Variants in SYNPO2L observed in about 807,000 individuals in gnomAD.
The protein encoded by SYNPO2L is synaptopodin 2 like.
Under a neutral mutation model 47.5 loss-of-function variants are expected in SYNPO2L, and 34 were observed. That is an observed-to-expected ratio of 0.72 (90% CI 0.54 to 0.95). The LOEUF is 0.95. Among genes scored for constraint, SYNPO2L ranks in the 40% least tolerant of loss-of-function variants. The pLI, the probability that SYNPO2L is intolerant of heterozygous loss-of-function variation, is 0.00. For synonymous variants in SYNPO2L, 536 were observed against 524.9 expected (o/e 1.02, Z -0.29); for missense variants, 1,246 against 1,282.0 (o/e 0.97, Z 0.43).
chr10:73,654,392 G>A (rs1250170731), intron 1 of SYNPO2L, 112 bp from the exon 2 acceptor site: 2 of 1,389,308 alleles, frequency 1.4e-6, no homozygotes, highest in Admixed American at 4.6e-5. Context: ...AGGGTAAGAA[G>A]GGTGGGGAGA....
At chr10:73,649,409 C>T (rs925369620) in intron 3 of SYNPO2L, among the ~76,000 whole-genome samples, 1 of 152,158 alleles carries the variant, frequency 6.6e-6, no homozygotes, top group Non-Finnish European at 1.5e-5. Context: ...ACAAAGAACC[C>T]TTAGCAATGA....
Position 73,645,857 on chromosome 10 carries a change from C to T in SYNPO2L, c.*861G>A, listed in dbSNP as rs762544582. The T allele has an allele frequency of 1.6e-5, 16 of 984,956 alleles. 1 individual carries two copies. The Admixed American group carries it at 4.9e-4, about 30-fold the overall frequency. 61.0% of individuals were successfully genotyped at this position (984,956 alleles called of 1,614,324 possible). On this transcript the variant is annotated 3_prime_UTR_variant, in exon 4 of 4. Transcript: ENST00000394810. ...TTGTTTGTTTTGAGACAGAGTCTCG[C>T]TCCGTCGCCCAGGCTGGAGTGCAGT... is the stretch of plus-strand genomic sequence containing the variant.
At chr10:73,649,357 G>A (rs1233910537) in intron 3 of SYNPO2L, among the ~76,000 whole-genome samples, 1 of 152,076 alleles carries the variant, frequency 6.6e-6, no homozygotes, top group Non-Finnish European at 1.5e-5. Context: ...ATGAAGCTTA[G>A]GACTCATCCT....
Position 73,645,121 on chromosome 10 carries a change from T to TA in SYNPO2L, c.*1596dup. ...GAGGTTTTGGCTCTGGGTATTTCCCTACTCTTTCCCAGGCAGTCATGGCAA... is the reference window on the plus strand; with the variant it reads ...GAGGTTTTGGCTCTGGGTATTTCCCTAACTCTTTCCCAGGCAGTCATGGCAA... On this transcript the variant is annotated 3_prime_UTR_variant, in exon 4 of 4. Coordinates refer to ENST00000394810, the MANE Select transcript of SYNPO2L (RefSeq NM_001114133.3). 2.5e-6 allele frequency: 3 copies of TA among 1,222,384 alleles called. No individual in the cohort carries two copies. The highest frequency in any genetic ancestry group is 3.1e-6 in the Non-Finnish European group (3 of 959,560). 75.7% of individuals were successfully genotyped at this position (1,222,384 alleles called of 1,614,324 possible). A position where few individuals can be genotyped will look rare whatever the true frequency, so the allele number is the denominator to read the frequency against.
At chr10:73,649,739 CA>C (rs2081823076) in intron 3 of SYNPO2L, 7 of 985,430 alleles carry the variant, frequency 7.1e-6, no homozygotes, top group Non-Finnish European at 7.2e-6. Context: ...ACAGTTTAGA[CA>C]GAAGTTAAAG....
chr10:73,649,667 A>C (rs1367551196), intron 3 of SYNPO2L: 2 of 934,988 alleles, frequency 2.1e-6, no homozygotes, highest in African/African-American at 3.6e-5. Flanking sequence ...ATACATTCAC[A>C]CACCTACATG....
Position 73,648,656 on chromosome 10 carries a change from C to G in SYNPO2L, c.996G>C (p.Glu332Asp). 6.2e-7 allele frequency: 1 copy of G among 1,612,482 alleles called. No homozygotes were observed. Among genetic ancestry groups the G allele is most frequent in the Non-Finnish European group, 8.5e-7 (1 of 1,178,590 alleles). ...AGAAGGCTTCTTCGTCCAGCTCGGA[C>G]TCACTCGTGGGGGGAACGCCGTCCT... ...EEEDGVPPTS[E>D]SELDEEAFSD... Residue 332 changes from glutamate (E) to aspartate (D), a missense_variant, in exon 4 of 4, where the codon GAG (glutamate) becomes GAC (aspartate). Transcript: ENST00000394810.
Position 73,655,874 on chromosome 10 carries a change from AG to A in SYNPO2L, c.48del (p.Trp17GlyfsTer54). The A allele has an allele frequency of 2.6e-6, 4 of 1,551,094 alleles. No individual in the cohort carries two copies. Among genetic ancestry groups the A allele is most frequent in the Non-Finnish European group, 3.5e-6 (4 of 1,146,838 alleles). ...GCCCCCCCATGAAGTCGGAAGCCCCAGGGGGCTCCCCCTGATAGTGTGACCA... is the reference window on the plus strand; with the variant it reads ...GCCCCCCCATGAAGTCGGAAGCCCCAGGGGCTCCCCCTGATAGTGTGACCA... ...EVLVTLSGGA[P>X]WGFRLHGGAE... is the part of the protein sequence containing the mutation. On this transcript the variant is annotated frameshift_variant, in exon 1 of 4. Transcript: ENST00000394810. LOFTEE classifies it high-confidence loss of function.
chr10:73,653,485 G>C lies in SYNPO2L; in HGVS notation c.426C>G (p.Asp142Glu), dbSNP rs2081857054. Residue 142 changes from aspartate (D) to glutamate (E), a missense_variant, in exon 3 of 4, where the codon GAC (aspartate) becomes GAG (glutamate). Asp to Glu is a conservative substitution (Grantham distance 45). Transcript: ENST00000394810. ...GGGTGGCAGGGCCATCAGCATCACTGTCAGTCTCTCCGTAGTAAGCCTCAC... is the reference window on the plus strand; with the variant it reads ...GGGTGGCAGGGCCATCAGCATCACTCTCAGTCTCTCCGTAGTAAGCCTCAC... ...PDSEAYYGET[D>E]SDADGPATQE... is the part of the protein sequence containing the mutation. The C allele has an allele frequency of 1.3e-6, 2 of 1,551,768 alleles. No homozygotes were observed.
intron 3 of SYNPO2L, chr10:73,651,044 T>C: frequency 6.3e-7 from 1 of 1,598,760 alleles, no homozygotes; most frequent in Non-Finnish European, 8.5e-7. Flanking sequence ...CAGGACCAGC[T>C]TGAGCCACCC....
Position 73,647,947 on chromosome 10 carries a change from C to CG in SYNPO2L, c.1704dup (p.Ala569ArgfsTer4), listed in dbSNP as rs1943054152. On this transcript the variant is annotated frameshift_variant, in exon 4 of 4. Coordinates refer to ENST00000394810, the MANE Select transcript of SYNPO2L (RefSeq NM_001114133.3). LOFTEE classifies it high-confidence loss of function. ...GTCATGGCAGCTGCGCTAGGAGGAGCGGGGGGCTCTGGAGCTCCACCTGGG... is the reference window on the plus strand; with the variant it reads ...GTCATGGCAGCTGCGCTAGGAGGAGCGGGGGGGCTCTGGAGCTCCACCTGGG... 6 of 1,530,718 alleles carry CG rather than the reference C, an allele frequency of 3.9e-6. No individual in the cohort carries two copies. The African/African-American group carries it at 4.2e-5, about 11-fold the overall frequency. 94.8% of individuals were successfully genotyped at this position (1,530,718 alleles called of 1,614,324 possible). A position where few individuals can be genotyped will look rare whatever the true frequency, so the allele number is the denominator to read the frequency against.
intron 3 of SYNPO2L, among the ~76,000 whole-genome samples, chr10:73,652,612 A>G (rs1212678204): frequency 2.6e-5 from 4 of 152,132 alleles, no homozygotes; most frequent in East Asian, 1.9e-4. Context: ...GGAGGTTGCA[A>G]TGAGCCAAGA....
Position 73,648,091 on chromosome 10 carries a change from A to G in SYNPO2L, c.1561T>C (p.Phe521Leu), listed in dbSNP as rs1355142103. 3 of 1,558,876 alleles carry G rather than the reference A, an allele frequency of 1.9e-6. No individual in the cohort carries two copies. Among genetic ancestry groups the G allele is most frequent in the South Asian group, 2.4e-5 (2 of 82,178 alleles). ...GCGTGGCTGGGAACCCCTGAAGTGAAGCTGGGCAGAGGGGTGGGCCCCTGC... is the reference window on the plus strand; with the variant it reads ...GCGTGGCTGGGAACCCCTGAAGTGAGGCTGGGCAGAGGGGTGGGCCCCTGC... ...SSQGPTPLPS[F>L]TSGVPSHAPV... Residue 521 changes from phenylalanine (F) to leucine (L), a missense_variant, in exon 4 of 4, where the codon TTC becomes CTC. Physicochemically the swap from Phe to Leu is conservative, Grantham distance 22 (BLOSUM62 0). This residue lies in a region of SYNPO2L where 1,037 missense variants were observed against 1,021.5 expected (regional missense o/e 1.02). Coordinates refer to ENST00000394810, the MANE Select transcript of SYNPO2L (RefSeq NM_001114133.3).
intron 3 of SYNPO2L, among the ~76,000 whole-genome samples, chr10:73,649,226 G>T (rs973746554): frequency 6.6e-6 from 1 of 152,132 alleles, no homozygotes; most frequent in Non-Finnish European, 1.5e-5. Context: ...GGCAATGGGA[G>T]GGGGAGGAGA....
In SYNPO2L at chr10:73,653,317, A is replaced by C. The variant is rs1296794954; in HGVS notation, c.594T>G (p.Arg198=). Reference sequence around the variant, plus strand: ...CATCCTCCCAAGACGGGGAGCTCACACGGCTGTCACCCTGGCTGGGAGGGC... The same window carrying C: ...CATCCTCCCAAGACGGGGAGCTCACCCGGCTGTCACCCTGGCTGGGAGGGC... ...IPGPPSQGDS[R]VSSPSWEDGA... Residue 198 remains arginine (R), a synonymous_variant, in exon 3 of 4, where the codon CGT becomes CGG. Transcript: ENST00000394810. 1.3e-6 allele frequency: 2 copies of C among 1,551,544 alleles called. No individual in the cohort carries two copies. The highest frequency in any genetic ancestry group is 3.9e-5 in the Admixed American group (2 of 50,996).
At chr10:73,652,293 T>C (rs1244125872) in intron 3 of SYNPO2L, among the ~76,000 whole-genome samples, 1 of 151,824 alleles carries the variant, frequency 6.6e-6, no homozygotes, top group Non-Finnish European at 1.5e-5. Flanking sequence ...GCTGGGACCA[T>C]AGACATGTGC....
chr10:73,645,758 A>T lies in SYNPO2L; in HGVS notation c.*960T>A, dbSNP rs374112958. 1.0e-6 allele frequency: 1 copy of T among 985,560 alleles called. No individual in the cohort carries two copies. Among genetic ancestry groups the T allele is most frequent in the Admixed American group, 6.2e-5 (1 of 16,246 alleles). The allele number at this position is 985,560 out of a possible 1,614,324, so 61.1% of individuals were successfully genotyped here. A position where few individuals can be genotyped will look rare whatever the true frequency, so the allele number is the denominator to read the frequency against. ...ATTCTCTAGTGAATCTCTTTCTCCC[A>T]CTCAACTCCATGTGGGGATATCTGA... On this transcript the variant is annotated 3_prime_UTR_variant, in exon 4 of 4. Transcript: ENST00000394810.
In SYNPO2L at chr10:73,648,255, C is replaced by A. The variant is rs375000316; in HGVS notation, c.1397G>T (p.Arg466Leu). Reference sequence around the variant, plus strand: ...GCCCGGGGTAAAGGGCCTGGCTGACCGGTTAAAGATGCTTGGAGCTGGGGT... The same window carrying A: ...GCCCGGGGTAAAGGGCCTGGCTGACAGGTTAAAGATGCTTGGAGCTGGGGT... ...APTPAPSIFN[R>L]SARPFTPGLQ... The change falls in exon 4 of 4, where the codon CGG becomes CTG. Residue 466 changes from arginine (R) to leucine (L), a missense_variant. By Grantham distance (102) the Arg-to-Leu change is moderately radical (BLOSUM62 -2). Transcript: ENST00000394810. The A allele has an allele frequency of 1.9e-6, 3 of 1,594,950 alleles. No homozygotes were observed. Among genetic ancestry groups the A allele is most frequent in the Admixed American group, 1.7e-5 (1 of 59,622 alleles).
At chr10:73,654,311 G>C in intron 1 of SYNPO2L, 31 bp from the exon 2 acceptor site, 2 of 1,550,524 alleles carry the variant, frequency 1.3e-6, no homozygotes, top group South Asian at 2.4e-5. Context: ...CTGTAGGTAA[G>C]AGGGGGCTCC....
Sources: gnomAD v4.1 joint callset for allele counts (sites outside exome capture counted in the v4.1 genomes callset) on GRCh38, gnomAD v4.1.1 for gene constraint, gnomAD v4.1.1 regional missense constraint, MANE v1.5 for transcripts, NCBI Gene and HGNC (gene_info 2026-07-23, HGNC 2026-07-21) for gene names.